DNM3: variants seen among roughly 807,000 people sequenced by gnomAD.
DNM3 encodes the protein dynamin-3.
Under a neutral mutation model 101.6 loss-of-function variants are expected in DNM3, and 47 were observed. That is an observed-to-expected ratio of 0.46 (90% confidence interval 0.37 to 0.59). DNM3 has a LOEUF of 0.59. Among genes scored for constraint, DNM3 ranks in the 20% least tolerant of loss-of-function variants. The pLI is 0.00. For synonymous variants in DNM3, 385 were observed against 387.9 expected (o/e 0.99, Z 0.09); for missense variants, 849 against 1,085.7 (o/e 0.78, Z 3.06).
intron 1 of DNM3, among the ~76,000 whole-genome samples, chr1:171,870,616 G>A (rs564982139): frequency 6.6e-6 from 1 of 152,100 alleles, no homozygotes; most frequent in East Asian, 1.9e-4. Flanking sequence ...TGCTTATTAT[G>A]TGCCTATCAC....
At chr1:172,117,577 C>A (rs548839542) in intron 13 of DNM3, among the ~76,000 whole-genome samples, 26 of 152,260 alleles carry the variant, frequency 1.7e-4, no homozygotes, top group South Asian at 6.2e-4. Flanking sequence ...GATTCTGAGG[C>A]CTTCCCAGCC....
intron 12 of DNM3, among the ~76,000 whole-genome samples, chr1:172,091,201 C>T (rs1311888025): frequency 6.6e-6 from 1 of 152,132 alleles, no homozygotes; most frequent in Non-Finnish European, 1.5e-5. Context: ...TTTCATGAAA[C>T]CAACCATGTG....
At chr1:171,963,236 G>C (rs948259502) in intron 2 of DNM3, among the ~76,000 whole-genome samples, 9 of 152,126 alleles carry the variant, frequency 5.9e-5, no homozygotes, top group Non-Finnish European at 1.3e-4. Context: ...AAGAGACATG[G>C]AGAAAACTTA....
At chr1:172,235,093 T>C (rs1328705758) in intron 14 of DNM3, among the ~76,000 whole-genome samples, 1 of 152,070 alleles carries the variant, frequency 6.6e-6, no homozygotes, top group Non-Finnish European at 1.5e-5. Flanking sequence ...ATTTTTGCAA[T>C]CTACTCATCT....
intron 4 of DNM3, among the ~76,000 whole-genome samples, chr1:171,999,611 A>T (rs1198086573): frequency 6.6e-6 from 1 of 152,112 alleles, no homozygotes; most frequent in Admixed American, 6.5e-5. Flanking sequence ...AGAAAGATAT[A>T]TGTAAAGCCC....
At chr1:171,867,821 A>G (rs2034905003) in intron 1 of DNM3, among the ~76,000 whole-genome samples, 1 of 152,290 alleles carries the variant, frequency 6.6e-6, no homozygotes, top group African/African-American at 2.4e-5. Flanking sequence ...TTCTGTATTT[A>G]CCATAACCCA....
Position 172,276,557 on chromosome 1 carries a change from A to AGTGTGTGTGTG in DNM3, c.1769+22875_1769+22876insGTGTGTGTGTG, listed in dbSNP as rs10528447. 3.8e-3 allele frequency among the ~76,000 whole-genome samples: 555 copies of AGTGTGTGTGTG among 144,366 alleles called. 4 individuals carry two copies. The highest frequency in any genetic ancestry group is 5.6e-3 in the Non-Finnish European group (372 of 65,998). 94.7% of individuals were successfully genotyped at this position (144,366 alleles called of 152,430 possible). On this transcript the variant is annotated intron_variant, in intron 15 of 20. Coordinates refer to ENST00000627582, the MANE Select transcript of DNM3 (RefSeq NM_015569.5). ...TAATAATCACAGAAAAAAAATCTTAATGTGTGTGTGTGTGTGTGTGTGTGT... is the reference window on the plus strand; with the variant it reads ...TAATAATCACAGAAAAAAAATCTTAAGTGTGTGTGTGTGTGTGTGTGTGTGTGTGTGTGTGT...
intron 1 of DNM3, among the ~76,000 whole-genome samples, chr1:171,909,148 T>C (rs976205602): frequency 2.6e-5 from 4 of 152,132 alleles, no homozygotes; most frequent in African/African-American, 9.7e-5. Context: ...ATTTAGAAAG[T>C]CAGAGGTGGT....
chr1:172,033,073 C>A, intron 5 of DNM3, 32 bp from the exon 6 acceptor site: 1 of 1,602,738 alleles, frequency 6.2e-7, no homozygotes, highest in Non-Finnish European at 8.5e-7. Context: ...CAAAAAGTGT[C>A]CCCAACTCCA....
chr1:172,113,633 A>C (rs2055664591), intron 13 of DNM3, among the ~76,000 whole-genome samples: 1 of 151,254 alleles, frequency 6.6e-6, no homozygotes, highest in Non-Finnish European at 1.5e-5. Flanking sequence ...AAAAAAAAAA[A>C]AAAAAAAAAA....
intron 2 of DNM3, among the ~76,000 whole-genome samples, chr1:171,941,637 A>G (rs2041823901): frequency 6.6e-6 from 1 of 152,216 alleles, no homozygotes; most frequent in Non-Finnish European, 1.5e-5. Context: ...TCATCCTAAC[A>G]GGATGTTTGC....
intron 4 of DNM3, among the ~76,000 whole-genome samples, chr1:172,027,453 C>T (rs368214280): frequency 8.7e-4 from 133 of 152,034 alleles, no homozygotes; most frequent in African/African-American, 2.9e-3. Flanking sequence ...TGGTGGCATG[C>T]GCACATAGTC....
At position 172,081,869 on chromosome 1, in the gene DNM3, A is replaced by G. The variant is rs771313162; in HGVS notation, c.1460A>G (p.Asn487Ser). Residue 487 changes from asparagine (N) to serine (S), a missense_variant, in exon 12 of 21, where the codon AAC (asparagine) becomes AGC (serine). Around this residue, in one of 5 missense-constraint regions of DNM3, gnomAD observed 193 missense variants for 238.4 expected, o/e 0.81. Transcript: ENST00000627582. ...ATTGACATTCAAGTCTCTTACATCA[A>G]CACCAACCATGAAGACTTCATTGGC... ...LLIDIQVSYI[N>S]TNHEDFIGFA... 3.7e-6 allele frequency: 6 copies of G among 1,613,324 alleles called. No individual in the cohort carries two copies. The highest frequency in any genetic ancestry group is 5.1e-6 in the Non-Finnish European group (6 of 1,179,558).
At chr1:172,354,916 G>A (rs1436132969) in intron 17 of DNM3, among the ~76,000 whole-genome samples, 1 of 152,156 alleles carries the variant, frequency 6.6e-6, no homozygotes, top group African/African-American at 2.4e-5. Flanking sequence ...CACCTTCAGT[G>A]AAAATGGTGA....
At chr1:171,979,117 A>C (rs776467037) in intron 2 of DNM3, among the ~76,000 whole-genome samples, 10 of 152,302 alleles carry the variant, frequency 6.6e-5, no homozygotes, top group Middle Eastern at 6.8e-3. Context: ...GTCAGCAAAG[A>C]ACCATGGAGA....
At chr1:172,210,317 T>C (rs2060470394) in intron 14 of DNM3, among the ~76,000 whole-genome samples, 1 of 34,066 alleles carries the variant, frequency 2.9e-5, no homozygotes, top group Non-Finnish European at 5.4e-5. Flanking sequence ...GAGCGTGCTT[T>C]TTTTTTTTTT....
intron 13 of DNM3, among the ~76,000 whole-genome samples, chr1:172,121,217 GA>G (rs893314691): frequency 1.3e-5 from 2 of 152,024 alleles, no homozygotes; most frequent in African/African-American, 4.8e-5. Flanking sequence ...GGAAAAAAGT[GA>G]AAAAAACTAG....
intron 14 of DNM3, among the ~76,000 whole-genome samples, chr1:172,179,443 TA>T (rs1182003285): frequency 1.3e-5 from 2 of 152,008 alleles, no homozygotes; most frequent in Admixed American, 1.3e-4. Flanking sequence ...TAATTATCAT[TA>T]AAGTGATTTA....
chr1:172,112,557 C>G (rs992477436), intron 13 of DNM3, among the ~76,000 whole-genome samples: 1 of 152,204 alleles, frequency 6.6e-6, no homozygotes, highest in African/African-American at 2.4e-5. Context: ...TCAGTCTTTC[C>G]ATTTTCCAGT....
Sources: allele counts gnomAD v4.1 joint callset (sites outside exome capture counted in the v4.1 genomes callset), GRCh38; gene constraint gnomAD v4.1.1; regional missense constraint gnomAD v4.1.1; transcripts MANE v1.5; gene names NCBI Gene and HGNC (gene_info 2026-07-23, HGNC 2026-07-21).